The following CPE variants were observed in gnomAD, a reference collection of about 807,000 sequenced individuals.
The protein encoded by CPE is carbocypeptidase E.
A neutral mutation model predicts 53.5 loss-of-function variants in CPE; 17 were observed. The ratio of observed to expected loss-of-function variants is 0.32; its 90% confidence interval spans 0.22 to 0.48. The LOEUF (loss-of-function observed/expected upper bound fraction) is 0.48, where lower values mean the gene tolerates loss of function less well. CPE is among the 20% of genes least tolerant of loss of function. The pLI, the probability that CPE is intolerant of heterozygous loss-of-function variation, is 0.99. For synonymous variants in CPE, 226 were observed against 228.8 expected (o/e 0.99, Z 0.11); for missense variants, 524 against 614.7 (o/e 0.85, Z 1.56).
chr4:165,407,580 C>T (rs2126665728), intron 1 of CPE, among the ~76,000 whole-genome samples: 1 of 151,362 alleles, frequency 6.6e-6, no homozygotes, highest in Admixed American at 6.6e-5. Flanking sequence ...TGGAGTCTCA[C>T]TCTGTTGCCC....
At chr4:165,421,094 A>G (rs1731203450) in intron 1 of CPE, among the ~76,000 whole-genome samples, 2 of 152,286 alleles carry the variant, frequency 1.3e-5, no homozygotes, top group African/African-American at 4.8e-5. Flanking sequence ...TTGGGCCTGC[A>G]TTGTAGTGGA....
chr4:165,427,373 A>G (rs11732063), intron 1 of CPE, among the ~76,000 whole-genome samples: 44,851 of 151,736 alleles, frequency 0.3, 6,698 homozygotes, highest in Middle Eastern at 0.39. Flanking sequence ...ATAAATTATA[A>G]TTTTGTCCAA....
At chr4:165,464,917 ATATC>A (rs1235596594) in intron 2 of CPE, among the ~76,000 whole-genome samples, 1 of 152,192 alleles carries the variant, frequency 6.6e-6, no homozygotes, top group African/African-American at 2.4e-5. Context: ...AATATAAAAA[ATATC>A]TACTGCCTTT....
chr4:165,459,681 G>GC (rs1553976496), intron 1 of CPE, among the ~76,000 whole-genome samples: 1 of 128,736 alleles, frequency 7.8e-6, no homozygotes, highest in African/African-American at 3.3e-5. Context: ...GGGTGGGGGG[G>GC]GGCGGGGCAG....
At chr4:165,440,973 A>C (rs141823562) in intron 1 of CPE, among the ~76,000 whole-genome samples, 1 of 152,296 alleles carries the variant, frequency 6.6e-6, no homozygotes, top group South Asian at 2.1e-4. Context: ...TATTGCATCA[A>C]TGGAAATGCA....
intron 1 of CPE, among the ~76,000 whole-genome samples, chr4:165,424,301 T>A (rs1731279438): frequency 1.3e-5 from 2 of 152,024 alleles, no homozygotes; most frequent in Admixed American, 6.6e-5. Context: ...TTTTTTTTTT[T>A]AAGTCTTTCC....
At position 165,379,825 on chromosome 4, in the gene CPE, G is replaced by C. The variant is rs1260007466; in HGVS notation, c.307+297G>C. On this transcript the variant is annotated intron_variant, in intron 1 of 8. Coordinates refer to ENST00000402744, the MANE Select transcript of CPE (RefSeq NM_001873.4). The surrounding 1 kb of genome is among the most constrained non-coding windows in gnomAD (Gnocchi z 6.0). ...AGGCTTGGGAGGCTGGGGTGGCGGG[G>C]GATGGGGGGGATAGCAATACAGAAA... Among the ~76,000 whole-genome samples, 1 of 152,168 alleles carries C rather than the reference G, an allele frequency of 6.6e-6. No homozygotes were observed. Among genetic ancestry groups the C allele is most frequent in the Non-Finnish European group, 1.5e-5 (1 of 68,034 alleles).
At chr4:165,405,550 C>G in intron 1 of CPE, 1 of 938,658 alleles carries the variant, frequency 1.1e-6, no homozygotes, top group South Asian at 1.3e-5. Context: ...ATGGAATAGT[C>G]ATGGCATACG....
At chr4:165,485,334 C>T (rs916764112) in intron 5 of CPE, among the ~76,000 whole-genome samples, 5 of 151,994 alleles carry the variant, frequency 3.3e-5, no homozygotes, top group African/African-American at 1.2e-4. Context: ...TTTTCTATGG[C>T]CCACCTGGAA....
intron 6 of CPE, among the ~76,000 whole-genome samples, chr4:165,488,743 T>A (rs1732550759): frequency 6.6e-6 from 1 of 152,200 alleles, no homozygotes. Flanking sequence ...ACACTTTTTT[T>A]AAAGTAAAAC....
At chr4:165,431,001 C>T (rs1179929128) in intron 1 of CPE, among the ~76,000 whole-genome samples, 1 of 152,302 alleles carries the variant, frequency 6.6e-6, no homozygotes, top group African/African-American at 2.4e-5. Context: ...ACTCGTCTCA[C>T]CTGGATGGAG....
chr4:165,409,505 C>T (rs1731003435), intron 1 of CPE, among the ~76,000 whole-genome samples: 1 of 152,082 alleles, frequency 6.6e-6, no homozygotes, highest in East Asian at 1.9e-4. Flanking sequence ...ACCCATTCTC[C>T]ACTCATGCTT....
intron 1 of CPE, among the ~76,000 whole-genome samples, chr4:165,454,147 T>G (rs778302882): frequency 6.6e-6 from 1 of 152,334 alleles, no homozygotes; most frequent in South Asian, 2.1e-4. Context: ...GCCTCTCATA[T>G]GCCAGTACAA....
chr4:165,412,987 C>T (rs966472393), intron 1 of CPE, among the ~76,000 whole-genome samples: 4 of 152,196 alleles, frequency 2.6e-5, no homozygotes, highest in Admixed American at 6.5e-5. Flanking sequence ...CAGACTTCTT[C>T]GCATGCGCTT....
At chr4:165,407,799 G>T (rs918588566) in intron 1 of CPE, among the ~76,000 whole-genome samples, 1 of 151,564 alleles carries the variant, frequency 6.6e-6, no homozygotes, top group Admixed American at 6.6e-5. Context: ...CAGGTGATCT[G>T]CCTGCCTCGG....
intron 5 of CPE, among the ~76,000 whole-genome samples, chr4:165,486,951 T>C (rs766379434): frequency 4.3e-4 from 66 of 152,228 alleles, no homozygotes; most frequent in Non-Finnish European, 7.2e-4. Context: ...TTTTCCTTGA[T>C]TGACAATAGT....
chr4:165,458,596 C>G (rs1731943241), intron 1 of CPE, among the ~76,000 whole-genome samples: 1 of 151,942 alleles, frequency 6.6e-6, no homozygotes, highest in African/African-American at 2.4e-5. Flanking sequence ...CTTTTTTTCC[C>G]TCTAAATAAT....
chr4:165,462,564 G>C (rs1040788261), intron 1 of CPE, among the ~76,000 whole-genome samples: 2 of 152,132 alleles, frequency 1.3e-5, no homozygotes, highest in African/African-American at 4.8e-5. Flanking sequence ...AGTTTCTCCT[G>C]TGCCTCAATC....
At position 165,391,236 on chromosome 4, in the gene CPE, A is replaced by G. The variant is rs533369497; in HGVS notation, c.307+11708A>G. ...CTCTGCATACAGGGAAAGTGAATCA[A>G]TGAGAATGCATTTCTTAAATGAATG... On this transcript the variant is annotated intron_variant, in intron 1 of 8. Coordinates refer to ENST00000402744, the MANE Select transcript of CPE (RefSeq NM_001873.4). Among the ~76,000 whole-genome samples the G allele has an allele frequency of 7.2e-5, 11 of 152,300 alleles. No homozygotes were observed. The South Asian group carries it at 2.3e-3, about 32-fold the overall frequency.
Sources: allele counts gnomAD v4.1 joint callset (sites outside exome capture counted in the v4.1 genomes callset), GRCh38; gene constraint gnomAD v4.1.1; non-coding constraint Gnocchi (gnomAD v3.1); transcripts MANE v1.5; gene names NCBI Gene and HGNC (gene_info 2026-07-23, HGNC 2026-07-21).